ZNF333: variants seen among roughly 807,000 people sequenced by gnomAD.
ZNF333 encodes zinc finger protein 333.
Under a neutral mutation model 76.1 loss-of-function variants are expected in ZNF333, and 61 were observed. The observed-to-expected ratio is 0.80, with a 90% CI of 0.65 to 0.99. ZNF333 has a LOEUF of 0.99. Among genes scored for constraint, ZNF333 ranks in the 50% least tolerant of loss-of-function variants. ZNF333 has a pLI of 0.00. For synonymous variants in ZNF333, 284 were observed against 305.0 expected, an observed-to-expected ratio of 0.93 and a Z score of 0.72; for missense variants, 717 against 822.4, an observed-to-expected ratio of 0.87 and a Z score of 1.57.
chr19:14,725,101 A>G (rs983791258), downstream of ZNF333, among the ~76,000 whole-genome samples: 3 of 152,178 alleles, frequency 2.0e-5, no homozygotes, highest in Non-Finnish European at 4.4e-5. Context: ...GAAGCTCACA[A>G]TCATGGCAAA....
chr19:14,720,867 TTC>T lies in ZNF333; in HGVS notation c.*1544_*1545del, dbSNP rs1337140073. On this transcript the variant is annotated 3_prime_UTR_variant, in exon 12 of 12. Transcript: ENST00000292530. ...ATGTATTGCTGAAAAATCTTTGTCA[TTC>T]TGTCAGTTTTTAAATTTATGTATAT... The T allele has an allele frequency of 1.1e-6, 1 of 946,052 alleles. No individual in the cohort carries two copies. Among genetic ancestry groups the T allele is most frequent in the Non-Finnish European group, 1.3e-6 (1 of 794,414 alleles). The allele number at this position is 946,052 out of a possible 1,614,324, so 58.6% of individuals were successfully genotyped here. A position where few individuals can be genotyped will look rare whatever the true frequency, so the allele number is the denominator to read the frequency against.
In ZNF333 at chr19:14,718,538, A is replaced by G; in HGVS notation, c.1211A>G (p.Lys404Arg). 1.2e-6 allele frequency: 2 copies of G among 1,614,164 alleles called. No individual in the cohort carries two copies. The highest frequency in any genetic ancestry group is 1.6e-4 in the Middle Eastern group (1 of 6,062). ...FDCQECGQAF[K>R]YSSNLRRHMR... Reference sequence around the variant, plus strand: ...TGTCAAGAATGTGGGCAAGCCTTCAAATATTCCTCGAATCTCCGGCGACAC... The same window carrying G: ...TGTCAAGAATGTGGGCAAGCCTTCAGATATTCCTCGAATCTCCGGCGACAC... Residue 404 changes from lysine to arginine, a missense_variant, in exon 12 of 12, where the codon AAA (lysine) becomes AGA (arginine). By Grantham distance (26) the Lys-to-Arg change is conservative. Coordinates refer to ENST00000292530, the MANE Select transcript of ZNF333 (RefSeq NM_032433.4).
At position 14,729,169 on chromosome 19, in the gene ZNF333, C is replaced by T. The variant is rs528238092; in HGVS notation, c.901-2006C>T. Among the ~76,000 whole-genome samples, 3 of 152,268 alleles carry T rather than the reference C, an allele frequency of 2.0e-5. No individual in the cohort carries two copies. The East Asian group carries it at 5.8e-4, about 29-fold the overall frequency. On this transcript the variant is annotated intron_variant, in intron 11 of 11. Transcript: ENST00000540689. ...GCATAGAGACAAGGAAGTTAACAGA[C>T]TGAACCTTTGAAGAGAAACCGAGAG...
intron 2 of ZNF333, among the ~76,000 whole-genome samples, chr19:14,694,517 G>A (rs367816599): frequency 1.4e-4 from 22 of 152,120 alleles, no homozygotes; most frequent in East Asian, 7.7e-4. Flanking sequence ...TGCAATGGAA[G>A]TCCTACTTTC....
intron 3 of ZNF333, among the ~76,000 whole-genome samples, 171 bp downstream of exon 3, chr19:14,695,304 T>G (rs548771819): frequency 6.2e-4 from 95 of 152,290 alleles, no homozygotes; most frequent in Non-Finnish European, 1.1e-3. Flanking sequence ...TAAGGCCCTG[T>G]TTGGGTCTCC....
chr19:14,712,697 G>A (rs537190716), intron 7 of ZNF333, among the ~76,000 whole-genome samples: 54 of 152,064 alleles, frequency 3.6e-4, no homozygotes, highest in Admixed American at 7.9e-4. Context: ...CAGCCCTCCC[G>A]TCTCTGCCTG....
chr19:14,697,273 T>C (rs1443511278), intron 4 of ZNF333, among the ~76,000 whole-genome samples: 1 of 152,184 alleles, frequency 6.6e-6, no homozygotes, highest in Non-Finnish European at 1.5e-5. Context: ...CATCAGTTGA[T>C]AGACAGTTGG....
chr19:14,712,409 G>A (rs1471706245), intron 7 of ZNF333, among the ~76,000 whole-genome samples: 2 of 151,968 alleles, frequency 1.3e-5, no homozygotes, highest in Non-Finnish European at 2.9e-5. Context: ...TAGTAGAGAC[G>A]GGGTTTCGTC....
chr19:14,694,468 C>T (rs55850217), intron 2 of ZNF333, among the ~76,000 whole-genome samples: 54,648 of 130,076 alleles, frequency 0.42, 10,447 homozygotes, highest in East Asian at 0.65. Flanking sequence ...GCAAGACTGT[C>T]TCAAAAAAAA....
chr19:14,713,427 A>C (rs2042334835), intron 7 of ZNF333, among the ~76,000 whole-genome samples: 1 of 151,244 alleles, frequency 6.6e-6, no homozygotes, highest in South Asian at 2.1e-4. Context: ...GGTTGGATAC[A>C]TGGTCTGGTG....
At chr19:14,724,984 C>G (rs535643060), downstream of ZNF333, among the ~76,000 whole-genome samples, 6 of 152,216 alleles carry the variant, frequency 3.9e-5, no homozygotes, top group African/African-American at 1.4e-4. Context: ...AAAAGGAATA[C>G]CTGAGACTGG....
intron 7 of ZNF333, among the ~76,000 whole-genome samples, chr19:14,707,461 TC>T (rs2042144682): frequency 6.6e-6 from 1 of 151,958 alleles, no homozygotes; most frequent in African/African-American, 2.4e-5. Context: ...AGAAATTAAT[TC>T]TAGAAGACAA....
chr19:14,732,593 C>T (rs2147056100), exon 12 of ZNF333: 1 of 152,260 alleles, frequency 6.6e-6, no homozygotes, highest in East Asian at 1.9e-4. Flanking sequence ...ATCTGACCCA[C>T]CATCTGTTTC....
chr19:14,724,902 T>C (rs1351481103), downstream of ZNF333, among the ~76,000 whole-genome samples: 1 of 152,250 alleles, frequency 6.6e-6, no homozygotes, highest in Non-Finnish European at 1.5e-5. Flanking sequence ...TGCTATGTTC[T>C]TCATAAATGT....
chr19:14,705,197 T>G, intron 6 of ZNF333, 27 bp downstream of exon 6: 1 of 1,597,584 alleles, frequency 6.3e-7, no homozygotes. Flanking sequence ...TTCACTGTGA[T>G]GGCACCAGGT....
Position 14,693,480 on chromosome 19 carries a change from G to C in ZNF333, c.-12G>C. 3 of 1,602,284 alleles carry C rather than the reference G, an allele frequency of 1.9e-6. No homozygotes were observed. The South Asian group carries it at 3.3e-5, about 18-fold the overall frequency. On this transcript the variant is annotated 5_prime_UTR_variant, in exon 2 of 12. Coordinates refer to ENST00000292530, the MANE Select transcript of ZNF333 (RefSeq NM_032433.4). Reference sequence around the variant, plus strand: ...AACACCGACTGAGACCTCAAACCCTGGCTCCAGTGTCATGGTGAGGAAACT... The same window carrying C: ...AACACCGACTGAGACCTCAAACCCTCGCTCCAGTGTCATGGTGAGGAAACT...
At chr19:14,692,778 G>T (rs1407222194) in intron 1 of ZNF333, among the ~76,000 whole-genome samples, 3 of 150,468 alleles carry the variant, frequency 2.0e-5, no homozygotes, top group Non-Finnish European at 4.4e-5. Context: ...CTTCCAAAGT[G>T]CTGGGATTAT....
intron 11 of ZNF333, among the ~76,000 whole-genome samples, chr19:14,728,210 C>T (rs1482072994): frequency 3.3e-5 from 5 of 152,056 alleles, no homozygotes; most frequent in Non-Finnish European, 5.9e-5. Flanking sequence ...GAGACTCCGT[C>T]TCAAAAAAAA....
rs2042455203 is a variant in ZNF333 at position 14,717,089 on chromosome 19, G to A, written c.823G>A (p.Glu275Lys). Reference sequence around the variant, plus strand: ...GGGCGTCCTCTCAGACACCTGTGCAGGTGAGCCCAGGCAGATCAGGTGAGC... The same window carrying A: ...GGGCGTCCTCTCAGACACCTGTGCAAGTGAGCCCAGGCAGATCAGGTGAGC... ...DRGVLSDTCA[E>K]PQCQPQEAIP... is the part of the protein sequence containing the mutation. The change falls in exon 10 of 12, where the codon GAA (glutamate) becomes AAA (lysine). Residue 275 changes from glutamate (E) to lysine (K), a missense_variant and splice_region_variant. Transcript: ENST00000292530. 6.2e-7 allele frequency: 1 copy of A among 1,601,438 alleles called. No homozygotes were observed. The highest frequency in any genetic ancestry group is 1.1e-5 in the South Asian group (1 of 89,160).
Sources: allele counts gnomAD v4.1 joint callset (sites outside exome capture counted in the v4.1 genomes callset), GRCh38; gene constraint gnomAD v4.1.1; transcripts MANE v1.5; gene names NCBI Gene and HGNC (gene_info 2026-07-23, HGNC 2026-07-21).